OPRD1: variants seen among roughly 807,000 people sequenced by gnomAD.
OPRD1 encodes delta-type opioid receptor.
A neutral mutation model predicts 17.5 loss-of-function variants in OPRD1; 19 were observed. The observed-to-expected ratio is 1.09, with a 90% confidence interval of 0.76 to 1.60. The LOEUF is 1.60. Ranked by LOEUF, OPRD1 falls within the 40% of genes most tolerant of loss-of-function variation. The pLI is 0.00. For missense variants in OPRD1, 483 were observed against 547.2 expected (o/e 0.88, Z 1.17); for synonymous variants, 256 against 240.9 (o/e 1.06, Z -0.58).
At position 28,862,890 on chromosome 1, in the gene OPRD1, T is replaced by G. The variant is rs745372358; in HGVS notation, c.726T>G (p.Ser242Arg). 2 of 1,612,616 alleles carry G rather than the reference T, an allele frequency of 1.2e-6. No individual in the cohort carries two copies. The highest frequency in any genetic ancestry group is 4.5e-5 in the East Asian group (2 of 44,878). Residue 242 changes from serine to arginine, a missense_variant, in exon 3 of 3, where the codon AGT becomes AGG. Transcript: ENST00000234961. ...GCCTCATGCTGCTGCGCCTGCGCAG[T>G]GTGCGCCTGCTGTCGGGCTCCAAGG... is the stretch of plus-strand genomic sequence containing the variant. ...CYGLMLLRLRSVRLLSGSKEK... is the reference protein window; with the variant it reads ...CYGLMLLRLRRVRLLSGSKEK...
chr1:28,841,298 A>C (rs996854886), intron 1 of OPRD1, among the ~76,000 whole-genome samples: 9 of 152,260 alleles, frequency 5.9e-5, no homozygotes, highest in African/African-American at 1.9e-4. Context: ...TGAGAAGCAG[A>C]TGAATGCTAC....
intron 1 of OPRD1, among the ~76,000 whole-genome samples, chr1:28,828,195 G>T (rs1478195404): frequency 6.6e-6 from 1 of 152,092 alleles, no homozygotes; most frequent in Non-Finnish European, 1.5e-5. Context: ...TCCTTGATCC[G>T]TGGGCTACAG....
intron 1 of OPRD1, among the ~76,000 whole-genome samples, chr1:28,835,704 T>C (rs1285308834): frequency 6.6e-6 from 1 of 152,198 alleles, no homozygotes. Context: ...GTGATCACTG[T>C]GGTAGATGTG....
At chr1:28,842,303 A>C (rs1439734622) in intron 1 of OPRD1, among the ~76,000 whole-genome samples, 1 of 152,208 alleles carries the variant, frequency 6.6e-6, no homozygotes, top group Non-Finnish European at 1.5e-5. Flanking sequence ...TGCTGAGACC[A>C]CAGGCATGAG....
chr1:28,827,047 C>A (rs561518858), intron 1 of OPRD1, among the ~76,000 whole-genome samples: 4 of 152,342 alleles, frequency 2.6e-5, no homozygotes, highest in African/African-American at 9.6e-5. Flanking sequence ...GTAATTCCAG[C>A]ACTTTGGGAG....
In OPRD1 at chr1:28,869,611, A is replaced by G; in HGVS notation, c.*6328A>G. On this transcript the variant is annotated 3_prime_UTR_variant, in exon 3 of 3. Coordinates refer to ENST00000234961, the MANE Select transcript of OPRD1 (RefSeq NM_000911.4). ...GGGAAACTGAGGCTCAGAGAAGGGAATGACTTGCCCAAGACCACATGGCTT... is the reference window on the plus strand; with the variant it reads ...GGGAAACTGAGGCTCAGAGAAGGGAGTGACTTGCCCAAGACCACATGGCTT... 6.6e-6 allele frequency: 1 copy of G among 152,566 alleles called. No individual in the cohort carries two copies. The highest frequency in any genetic ancestry group is 1.5e-5 in the Non-Finnish European group (1 of 68,214). 9.5% of individuals were successfully genotyped at this position (152,566 alleles called of 1,614,324 possible). A position where few individuals can be genotyped will look rare whatever the true frequency, so the allele number is the denominator to read the frequency against.
chr1:28,850,826 AAT>A (rs2088996404), intron 1 of OPRD1, among the ~76,000 whole-genome samples: 1 of 130,434 alleles, frequency 7.7e-6, no homozygotes, highest in African/African-American at 3.0e-5. Context: ...TAATAATAAT[AAT>A]AATAAAAGGT....
chr1:28,813,000 T>G (rs1299912359), intron 1 of OPRD1, among the ~76,000 whole-genome samples: 2 of 152,072 alleles, frequency 1.3e-5, no homozygotes, highest in Non-Finnish European at 2.9e-5. Flanking sequence ...GCAGAGCTGC[T>G]CTGAGGTGCC....
chr1:28,843,199 G>A (rs1431994202), intron 1 of OPRD1, among the ~76,000 whole-genome samples: 4 of 152,174 alleles, frequency 2.6e-5, no homozygotes, highest in Non-Finnish European at 5.9e-5. Context: ...GGCTCGAAAG[G>A]ACCCCCTCAC....
chr1:28,833,866 G>T (rs1246923872), intron 1 of OPRD1, among the ~76,000 whole-genome samples: 3 of 152,194 alleles, frequency 2.0e-5, no homozygotes, highest in Admixed American at 6.5e-5. Context: ...AAATCACAGT[G>T]CCTTCATCCA....
rs1240857140 is a variant in OPRD1 at position 28,863,362 on chromosome 1, G to A, written c.*79G>A. The stretch of plus-strand genomic sequence containing the variant: ...AGTCCCAGTGGGAGGCGCGAGCCAT[G>A]ATGTGGAGTGGGGCAGTAGAAGGTC... On this transcript the variant is annotated 3_prime_UTR_variant, in exon 3 of 3. Coordinates refer to ENST00000234961, the MANE Select transcript of OPRD1 (RefSeq NM_000911.4). 3 of 1,365,638 alleles carry A rather than the reference G, an allele frequency of 2.2e-6. No homozygotes were observed. In the African/African-American group the frequency reaches 4.6e-5, roughly 21 times the overall value. 84.6% of individuals were successfully genotyped at this position (1,365,638 alleles called of 1,614,324 possible). A position where few individuals can be genotyped will look rare whatever the true frequency, so the allele number is the denominator to read the frequency against.
rs966533961 is a variant in OPRD1 at position 28,862,900 on chromosome 1, C to T, written c.736C>T (p.Leu246=). The change falls in exon 3 of 3, where the codon CTG becomes TTG. Residue 246 remains leucine (L), a synonymous_variant. Coordinates refer to ENST00000234961, the MANE Select transcript of OPRD1 (RefSeq NM_000911.4). ...GCTGCGCCTGCGCAGTGTGCGCCTG[C>T]TGTCGGGCTCCAAGGAGAAGGACCG... The part of the protein sequence containing the change: ...MLLRLRSVRL[L]SGSKEKDRSL... The T allele has an allele frequency of 1.9e-6, 3 of 1,612,682 alleles. No homozygotes were observed. The highest frequency in any genetic ancestry group is 8.5e-7 in the Non-Finnish European group (1 of 1,180,014).
intron 1 of OPRD1, among the ~76,000 whole-genome samples, chr1:28,838,528 C>T (rs2088871854): frequency 1.3e-5 from 2 of 152,114 alleles, no homozygotes; most frequent in Non-Finnish European, 2.9e-5. Context: ...AGTTCCAACA[C>T]AGGGCTCTGT....
intron 1 of OPRD1, among the ~76,000 whole-genome samples, chr1:28,837,997 C>T (rs982607804): frequency 1.3e-5 from 2 of 151,608 alleles, no homozygotes; most frequent in African/African-American, 2.4e-5. Flanking sequence ...CCAAGGCTTA[C>T]TTTCCTCCTC....
In OPRD1 at chr1:28,863,180, G is replaced by A. The variant is rs763280814; in HGVS notation, c.1016G>A (p.Arg339His). The change falls in exon 3 of 3, where the codon CGC becomes CAC. Residue 339 changes from arginine to histidine, a missense_variant. Transcript: ENST00000234961. ...FRQLCRKPCG[R>H]PDPSSFSRAR... ...CAGCTCTGCCGCAAGCCCTGCGGCC[G>A]CCCAGACCCCAGCAGCTTCAGCCGC... 1.9e-6 allele frequency: 3 copies of A among 1,597,980 alleles called. No individual in the cohort carries two copies. Among genetic ancestry groups the A allele is most frequent in the East Asian group, 4.5e-5 (2 of 44,246 alleles).
Position 28,812,378 on chromosome 1 carries a change from G to A in OPRD1, c.-6G>A. The A allele has an allele frequency of 1.4e-6, 2 of 1,380,536 alleles. No homozygotes were observed. The highest frequency in any genetic ancestry group is 3.3e-5 in the South Asian group (2 of 61,256). The allele number at this position is 1,380,536 out of a possible 1,614,324, so 85.5% of individuals were successfully genotyped here. On this transcript the variant is annotated 5_prime_UTR_variant, in exon 1 of 3. Coordinates refer to ENST00000234961, the MANE Select transcript of OPRD1 (RefSeq NM_000911.4). ...GAGAGGGACGCGGCGGAGCCGGCCG[G>A]CAGCCATGGAACCGGCCCCCTCCGC...
chr1:28,858,498 G>A (rs781655361), intron 1 of OPRD1, among the ~76,000 whole-genome samples: 1 of 151,030 alleles, frequency 6.6e-6, no homozygotes, highest in Non-Finnish European at 1.5e-5. Context: ...AAGGAGCGAT[G>A]CCAAATCAGA....
intron 1 of OPRD1, among the ~76,000 whole-genome samples, chr1:28,816,688 C>G (rs578125985): frequency 3.3e-5 from 5 of 152,264 alleles, no homozygotes; most frequent in South Asian, 4.1e-4. Context: ...TCACCCCCTC[C>G]TCCTGCATGT....
In OPRD1 at chr1:28,847,791, A is replaced by G. The variant is rs1371495921; in HGVS notation, c.228-11163A>G. 5.3e-5 allele frequency among the ~76,000 whole-genome samples: 8 copies of G among 152,308 alleles called. No individual in the cohort carries two copies. The Middle Eastern group carries it at 0.01, about 194-fold the overall frequency. ...AGCTACAGTGAGCTATGATTGCACC[A>G]CTGCACTCCAGCATGGGCAACAGGG... On this transcript the variant is annotated intron_variant, in intron 1 of 2. Transcript: ENST00000234961.
Sources: allele counts gnomAD v4.1 joint callset (sites outside exome capture counted in the v4.1 genomes callset), GRCh38; gene constraint gnomAD v4.1.1; transcripts MANE v1.5; gene names NCBI Gene and HGNC (gene_info 2026-07-23, HGNC 2026-07-21).